Variants in GALNT13 observed in about 807,000 individuals in gnomAD.
GALNT13 encodes UDP-GalNAc:polypeptide N-acetylgalactosaminyltransferase 13.
GALNT13 carries 28 observed loss-of-function variants against 64.2 expected under a neutral mutation model. The ratio of observed to expected loss-of-function variants is 0.44; its 90% CI spans 0.32 to 0.60. GALNT13 has a LOEUF of 0.60. Among genes scored for constraint, GALNT13 ranks in the 20% least tolerant of loss-of-function variants. The pLI, the probability that GALNT13 is intolerant of heterozygous loss-of-function variation, is 0.05. For missense variants in GALNT13, 577 were observed against 669.8 expected, an observed-to-expected ratio of 0.86 and a Z score of 1.53; for synonymous variants, 214 against 224.6, an observed-to-expected ratio of 0.95 and a Z score of 0.42.
At chr2:153,214,071 T>A in the GALNT13 span, among the ~76,000 whole-genome samples, 4 of 152,196 alleles carry the variant, frequency 2.6e-5, no homozygotes, top group Non-Finnish European at 5.9e-5. Context: ...AATTTGTTGT[T>A]AACTTTATTT....
chr2:153,668,968 T>A, the GALNT13 span, among the ~76,000 whole-genome samples: 1 of 152,082 alleles, frequency 6.6e-6, no homozygotes, highest in Non-Finnish European at 1.5e-5. Context: ...AACAGGAAAA[T>A]CTTGCATGTG....
In GALNT13 at chr2:154,140,476, T is replaced by A. The variant is rs767659459; in HGVS notation, c.282T>A (p.Asn94Lys). 4.3e-6 allele frequency: 7 copies of A among 1,611,534 alleles called. No homozygotes were observed. The Admixed American group carries it at 1.2e-4, about 27-fold the overall frequency. ...NLMASDLIAL[N>K]RSLPDVRLEG... is the part of the protein sequence containing the mutation. The stretch of plus-strand genomic sequence containing the variant: ...TGGCCAGTGATTTGATTGCCCTTAA[T>A]AGAAGTCTGCCAGATGTAAGATTAG... Residue 94 changes from asparagine (N) to lysine (K), a missense_variant, in exon 4 of 13, where the codon AAT becomes AAA. Asn to Lys is a moderately conservative substitution (Grantham distance 94). Around this residue, in one of 3 missense-constraint regions of GALNT13, gnomAD observed 341 missense variants for 379.3 expected, o/e 0.90. Coordinates refer to ENST00000392825, the MANE Select transcript of GALNT13 (RefSeq NM_052917.4).
the GALNT13 span, among the ~76,000 whole-genome samples, chr2:153,507,136 C>G: frequency 2.6e-5 from 4 of 151,994 alleles, no homozygotes; most frequent in African/African-American, 9.7e-5. Flanking sequence ...TTGTTAGATT[C>G]TATTGCTGAG....
At chr2:153,078,156 G>A in the GALNT13 span, among the ~76,000 whole-genome samples, 1 of 151,712 alleles carries the variant, frequency 6.6e-6, no homozygotes, top group Non-Finnish European at 1.5e-5. Context: ...TTTAACTTGT[G>A]AGTGTATAAA....
At chr2:154,023,382 T>G (rs1175941982) in intron 3 of GALNT13, among the ~76,000 whole-genome samples, 1 of 152,236 alleles carries the variant, frequency 6.6e-6, no homozygotes, top group East Asian at 1.9e-4. Flanking sequence ...GCTCCTGTAT[T>G]GGGTATATGT....
intron 3 of GALNT13, among the ~76,000 whole-genome samples, chr2:154,117,949 A>T (rs1023221950): frequency 3.3e-5 from 5 of 152,128 alleles, no homozygotes; most frequent in African/African-American, 7.2e-5. Context: ...TATTTTGGGG[A>T]ATGTTCCCTG....
At chr2:153,087,181 A>G in the GALNT13 span, among the ~76,000 whole-genome samples, 3 of 152,140 alleles carry the variant, frequency 2.0e-5, no homozygotes, top group Admixed American at 2.0e-4. Context: ...CTGAGGTTTT[A>G]ATCATAAAGT....
intron 3 of GALNT13, among the ~76,000 whole-genome samples, chr2:154,014,770 C>A (rs1209818504): frequency 2.7e-5 from 4 of 150,812 alleles, no homozygotes; most frequent in Non-Finnish European, 4.4e-5. Context: ...GTAGCTGGGA[C>A]TACAGGCGCC....
chr2:153,783,406 G>T, the GALNT13 span, among the ~76,000 whole-genome samples: 3 of 139,714 alleles, frequency 2.1e-5, no homozygotes, highest in East Asian at 5.9e-4. Context: ...TTGTTTTTTT[G>T]TTGTTGTTTG....
At chr2:153,967,813 C>T (rs1301250918) in intron 3 of GALNT13, among the ~76,000 whole-genome samples, 1 of 152,092 alleles carries the variant, frequency 6.6e-6, no homozygotes. Flanking sequence ...ATGGTGATTC[C>T]TGCTGAGACT....
At chr2:153,632,434 A>T in the GALNT13 span, among the ~76,000 whole-genome samples, 1 of 152,148 alleles carries the variant, frequency 6.6e-6, no homozygotes, top group Non-Finnish European at 1.5e-5. Flanking sequence ...TACCAAATGC[A>T]AAATGTCATG....
chr2:154,141,173 A>G (rs1683235798), intron 4 of GALNT13, among the ~76,000 whole-genome samples: 1 of 152,156 alleles, frequency 6.6e-6, no homozygotes, highest in African/African-American at 2.4e-5. Context: ...GCTCTGGGTG[A>G]GTCAGTGAGT....
At chr2:153,908,888 T>C (rs1688756404) in intron 2 of GALNT13, among the ~76,000 whole-genome samples, 1 of 152,160 alleles carries the variant, frequency 6.6e-6, no homozygotes, top group Non-Finnish European at 1.5e-5. Flanking sequence ...TCTTTTTTGG[T>C]TCCATATGAA....
At chr2:153,629,287 T>C in the GALNT13 span, among the ~76,000 whole-genome samples, 2 of 151,762 alleles carry the variant, frequency 1.3e-5, no homozygotes, top group Non-Finnish European at 2.9e-5. Flanking sequence ...ATGATACTGG[T>C]ACCAAAACAG....
chr2:154,145,608 T>G (rs897100456), intron 4 of GALNT13, among the ~76,000 whole-genome samples: 5 of 152,012 alleles, frequency 3.3e-5, no homozygotes, highest in African/African-American at 9.7e-5. Context: ...TTTAGCTTTT[T>G]ATATCCTAGG....
chr2:153,978,264 C>A (rs187081202), intron 3 of GALNT13, among the ~76,000 whole-genome samples: 8 of 152,274 alleles, frequency 5.3e-5, no homozygotes, highest in African/African-American at 9.6e-5. Context: ...AGCATAAGGA[C>A]AGAAAATTGA....
intron 9 of GALNT13, among the ~76,000 whole-genome samples, chr2:154,318,616 T>G (rs2105154059): frequency 6.6e-6 from 1 of 151,972 alleles, no homozygotes; most frequent in South Asian, 2.1e-4. Flanking sequence ...TCCCAGCTAC[T>G]TGGGAAGCTG....
At chr2:153,893,671 G>A (rs925069071) in intron 1 of GALNT13, among the ~76,000 whole-genome samples, 1 of 151,710 alleles carries the variant, frequency 6.6e-6, no homozygotes, top group East Asian at 1.9e-4. Flanking sequence ...TTAGATTTTG[G>A]AATATAAATA....
At chr2:154,146,496 T>G (rs1483645028) in intron 4 of GALNT13, among the ~76,000 whole-genome samples, 1 of 152,052 alleles carries the variant, frequency 6.6e-6, no homozygotes, top group Non-Finnish European at 1.5e-5. Context: ...TTAAAGCACA[T>G]AGCTGAGTAA....
Sources: gnomAD v4.1 joint callset for allele counts (sites outside exome capture counted in the v4.1 genomes callset) on GRCh38, gnomAD v4.1.1 for gene constraint, gnomAD v4.1.1 regional missense constraint, MANE v1.5 for transcripts, NCBI Gene and HGNC (gene_info 2026-07-23, HGNC 2026-07-21) for gene names.